CCDC30: variants seen among roughly 807,000 people sequenced by gnomAD.
The protein encoded by CCDC30 is coiled-coil domain-containing protein 30.
CCDC30 carries 70 observed loss-of-function variants against 100.2 expected under a neutral mutation model. That is an observed-to-expected ratio of 0.70 (90% CI 0.58 to 0.85). The LOEUF is 0.85. CCDC30 is among the 40% of genes least tolerant of loss of function. The pLI, the probability that CCDC30 is intolerant of heterozygous loss-of-function variation, is 0.00. For synonymous variants in CCDC30, 233 were observed against 269.5 expected (o/e 0.86, Z 1.33); for missense variants, 652 against 771.2 (o/e 0.85, Z 1.83).
At chr1:42,573,907 A>G (rs1237128328) in intron 7 of CCDC30, among the ~76,000 whole-genome samples, 2 of 152,110 alleles carry the variant, frequency 1.3e-5, no homozygotes, top group Non-Finnish European at 2.9e-5. Flanking sequence ...AATATGCTGA[A>G]TTACTTTGAC....
intron 1 of CCDC30, among the ~76,000 whole-genome samples, chr1:42,474,646 G>T (rs1643863146): frequency 6.6e-6 from 1 of 152,138 alleles, no homozygotes; most frequent in African/African-American, 2.4e-5. Flanking sequence ...GGCGTACTAA[G>T]AACTCAGTCT....
intron 6 of CCDC30, among the ~76,000 whole-genome samples, chr1:42,534,246 T>G (rs1644856453): frequency 6.6e-6 from 1 of 152,090 alleles, no homozygotes; most frequent in Non-Finnish European, 1.5e-5. Context: ...ATTTAAGAGT[T>G]GAGATGTTTC....
At chr1:42,621,292 A>G (rs1646824968) in intron 11 of CCDC30, among the ~76,000 whole-genome samples, 1 of 151,872 alleles carries the variant, frequency 6.6e-6, no homozygotes, top group African/African-American at 2.4e-5. Context: ...AAATAATATG[A>G]TTATACTTTT....
At chr1:42,523,962 G>C (rs1308178531) in intron 6 of CCDC30, among the ~76,000 whole-genome samples, 5 of 151,938 alleles carry the variant, frequency 3.3e-5, no homozygotes, top group Non-Finnish European at 5.9e-5. Flanking sequence ...TCTCTTTACT[G>C]ATATTTCTGT....
chr1:42,617,008 A>G (rs559013647), intron 11 of CCDC30, among the ~76,000 whole-genome samples: 1 of 152,266 alleles, frequency 6.6e-6, no homozygotes, highest in Non-Finnish European at 1.5e-5. Flanking sequence ...TGAAAAGAGC[A>G]TACGATAAAC....
chr1:42,650,497 A>ATATGTGTGTGTGTGTG (rs1181889086), intron 15 of CCDC30, among the ~76,000 whole-genome samples: 6 of 136,290 alleles, frequency 4.4e-5, no homozygotes, highest in African/African-American at 1.7e-4. Flanking sequence ...AAAAATATAT[A>ATATGTGTGTGTGTGTG]TGTGTGTGTG....
At chr1:42,635,938 T>C (rs1459076721) in intron 11 of CCDC30, among the ~76,000 whole-genome samples, 1 of 152,252 alleles carries the variant, frequency 6.6e-6, no homozygotes, top group Non-Finnish European at 1.5e-5. Context: ...TGCATCCTTG[T>C]CAGCACTTGT....
rs1647094862 is a variant in CCDC30, at chr1:42,634,052, A to G, written c.1278-3185A>G. Among the ~76,000 whole-genome samples the G allele has an allele frequency of 1.3e-5, 2 of 152,100 alleles. 1 individual carries two copies. Among genetic ancestry groups the G allele is most frequent in the South Asian group, 4.1e-4 (2 of 4,828 alleles). ...CAGTATGGAGGCAACCGCCCCCATGATTCAATTACCTCCCACCAGGTATCA... is the reference window on the plus strand; with the variant it reads ...CAGTATGGAGGCAACCGCCCCCATGGTTCAATTACCTCCCACCAGGTATCA... On this transcript the variant is annotated intron_variant, in intron 11 of 16. Transcript: ENST00000668663.
At chr1:42,631,143 G>A (rs1316862632) in intron 11 of CCDC30, among the ~76,000 whole-genome samples, 1 of 152,136 alleles carries the variant, frequency 6.6e-6, no homozygotes, top group Non-Finnish European at 1.5e-5. Context: ...AAGTACTTGG[G>A]TGTTGTCATC....
chr1:42,614,573 G>C (rs951196951), intron 11 of CCDC30, among the ~76,000 whole-genome samples: 2 of 151,602 alleles, frequency 1.3e-5, no homozygotes, highest in Admixed American at 1.3e-4. Flanking sequence ...AATTACGTGA[G>C]CTCAGGAGTT....
intron 6 of CCDC30, among the ~76,000 whole-genome samples, chr1:42,533,153 C>T (rs1002447381): frequency 6.6e-6 from 1 of 152,080 alleles, no homozygotes; most frequent in Non-Finnish European, 1.5e-5. Context: ...ATTGGATAAA[C>T]ATTTAAACTT....
intron 6 of CCDC30, among the ~76,000 whole-genome samples, chr1:42,521,511 GAGA>G (rs1215630774): frequency 2.0e-5 from 3 of 152,148 alleles, no homozygotes; most frequent in African/African-American, 7.2e-5. Context: ...GTGTGCAGTT[GAGA>G]AGAATGTGTA....
chr1:42,575,649 C>CATAAAAAAAAAAAAAAAA, intron 7 of CCDC30, among the ~76,000 whole-genome samples: 1 of 76,950 alleles, frequency 1.3e-5, no homozygotes, highest in Non-Finnish European at 2.3e-5. Flanking sequence ...GACCCTGTCT[C>CATAAAAAAAAAAAAAAAA]AAAAAAAAAG....
At chr1:42,498,736 A>T in intron 5 of CCDC30, 82 bp from the exon 6 acceptor site, 1 of 551,220 alleles carries the variant, frequency 1.8e-6, no homozygotes, top group Non-Finnish European at 2.7e-6. Flanking sequence ...TTTATATATT[A>T]CTTGTATAAT....
rs757433094 is a variant in CCDC30 at position 42,614,440 on chromosome 1, A to G, written c.1277+3350A>G. On this transcript the variant is annotated intron_variant, in intron 11 of 16. Coordinates refer to ENST00000668663, the Ensembl canonical transcript of CCDC30. The stretch of plus-strand genomic sequence containing the variant: ...AAATGCAAAGATTTTTAAATGTACA[A>G]TTGGATAAGTTTTGACAAATGTTTG... Among the ~76,000 whole-genome samples the G allele has an allele frequency of 2.6e-5, 4 of 151,782 alleles. No homozygotes were observed. In the South Asian group the frequency reaches 6.3e-4, roughly 24 times the overall value.
At chr1:42,568,958 A>G (rs1309696580) in intron 7 of CCDC30, 1 of 151,690 alleles carries the variant, frequency 6.6e-6, no homozygotes, top group Non-Finnish European at 1.5e-5. Flanking sequence ...AAAAAAAAAA[A>G]AATCCATTCA....
chr1:42,642,068 AC>A (rs1224430065), intron 12 of CCDC30, among the ~76,000 whole-genome samples: 1 of 152,030 alleles, frequency 6.6e-6, no homozygotes, highest in African/African-American at 2.4e-5. Context: ...TACTAAAAAT[AC>A]AAAAAACTTA....
At chr1:42,526,485 C>G (rs1357619054) in intron 6 of CCDC30, among the ~76,000 whole-genome samples, 4 of 152,204 alleles carry the variant, frequency 2.6e-5, no homozygotes, top group African/African-American at 9.6e-5. Context: ...AGAACTATCT[C>G]TGCTTGACTA....
intron 10 of CCDC30, among the ~76,000 whole-genome samples, chr1:42,602,680 C>A (rs1202387239): frequency 6.6e-6 from 1 of 152,148 alleles, no homozygotes; most frequent in Admixed American, 6.5e-5. Flanking sequence ...GCACCAGGCC[C>A]AGATGGTTTC....
Sources: gnomAD v4.1 joint callset for allele counts (sites outside exome capture counted in the v4.1 genomes callset) on GRCh38, gnomAD v4.1.1 for gene constraint, MANE v1.5 for transcripts, NCBI Gene and HGNC (gene_info 2026-07-23, HGNC 2026-07-21) for gene names.